Variants in ZNF407 observed in about 807,000 individuals in gnomAD.
ZNF407 encodes zinc finger protein 407.
A neutral mutation model predicts 131.2 loss-of-function variants in ZNF407; 17 were observed. The ratio of observed to expected loss-of-function variants is 0.13; its 90% confidence interval spans 0.09 to 0.19. ZNF407 has a LOEUF of 0.19. Ranked by LOEUF, ZNF407 falls within the 10% of genes least tolerant of loss-of-function variation. The probability of loss-of-function intolerance (pLI) is 1.00; values close to 1 mark genes in which losing one functional copy is unlikely to be tolerated. For missense variants in ZNF407, 2,681 were observed against 2,830.6 expected, an observed-to-expected ratio of 0.95 and a Z score of 1.20; for synonymous variants, 1,156 against 1,062.0, an observed-to-expected ratio of 1.09 and a Z score of -1.72.
chr18:74,649,220 G>A (rs930772275), intron 3 of ZNF407, among the ~76,000 whole-genome samples: 1 of 152,198 alleles, frequency 6.6e-6, no homozygotes, highest in African/African-American at 2.4e-5. Flanking sequence ...CTGGGCTCAA[G>A]GGATGGTTGT....
At chr18:74,819,679 A>G (rs560723372) in intron 4 of ZNF407, among the ~76,000 whole-genome samples, 5 of 152,320 alleles carry the variant, frequency 3.3e-5, no homozygotes, top group Admixed American at 1.3e-4. Flanking sequence ...CCTAGCCAAG[A>G]GTCCAGCTGT....
intron 3 of ZNF407, among the ~76,000 whole-genome samples, chr18:74,757,256 G>A (rs1968985517): frequency 6.6e-6 from 1 of 151,856 alleles, no homozygotes; most frequent in Non-Finnish European, 1.5e-5. Context: ...TAAGAATGGA[G>A]ACTTTCTTTT....
chr18:74,685,076 G>C (rs1967066453), intron 3 of ZNF407, among the ~76,000 whole-genome samples: 1 of 151,986 alleles, frequency 6.6e-6, no homozygotes, highest in African/African-American at 2.4e-5. Flanking sequence ...ATAATTTTTT[G>C]TTAGCTTTTT....
intron 8 of ZNF407, among the ~76,000 whole-genome samples, chr18:74,970,242 C>G (rs1249220454): frequency 6.6e-6 from 1 of 151,792 alleles, no homozygotes. Flanking sequence ...GATGGGGACA[C>G]AGCCAAACCA....
chr18:74,803,717 T>C (rs1233678811), intron 4 of ZNF407, among the ~76,000 whole-genome samples: 1 of 152,164 alleles, frequency 6.6e-6, no homozygotes, highest in Non-Finnish European at 1.5e-5. Flanking sequence ...AAAGAGAAAG[T>C]TTAGTATTTC....
At chr18:75,058,592 T>C (rs1247795098) in intron 8 of ZNF407, among the ~76,000 whole-genome samples, 1 of 152,220 alleles carries the variant, frequency 6.6e-6, no homozygotes, top group Non-Finnish European at 1.5e-5. Context: ...ACATTGAGCA[T>C]CCATGCCCCA....
intron 7 of ZNF407, among the ~76,000 whole-genome samples, chr18:74,906,119 C>G (rs552469616): frequency 6.6e-6 from 1 of 152,292 alleles, no homozygotes; most frequent in Admixed American, 6.5e-5. Flanking sequence ...TCCCGTTTTC[C>G]TGCAGTACCC....
At chr18:74,967,147 C>T (rs1367543927) in intron 8 of ZNF407, among the ~76,000 whole-genome samples, 3 of 152,000 alleles carry the variant, frequency 2.0e-5, no homozygotes, top group South Asian at 2.1e-4. Flanking sequence ...CCAGCTACTC[C>T]GGAGGCTGAA....
rs373279175 is a variant in ZNF407, at chr18:74,635,165, G to A, written c.4146G>A (p.Thr1382=). 360 of 1,613,864 alleles carry A rather than the reference G, an allele frequency of 2.2e-4. No individual in the cohort carries two copies. The highest frequency in any genetic ancestry group is 4.3e-4 in the African/African-American group (32 of 74,924). Residue 1382 remains threonine (T), a synonymous_variant, in exon 2 of 9, where the codon ACG becomes ACA. Transcript: ENST00000299687. The surrounding 1 kb of genome is among the most constrained non-coding windows in gnomAD (Gnocchi z 4.7). ...IDQSEEGLIA[T]GVRISELPLK... is the part of the protein sequence containing the mutation. ...AGTCTGAAGAGGGCTTGATAGCAAC[G>A]GGAGTGAGAATTAGTGAGCTGCCCT... is the stretch of plus-strand genomic sequence containing the variant.
At chr18:75,054,482 G>A (rs1973539105) in intron 8 of ZNF407, among the ~76,000 whole-genome samples, 1 of 152,118 alleles carries the variant, frequency 6.6e-6, no homozygotes, top group South Asian at 2.1e-4. Flanking sequence ...ATAGGGTTTT[G>A]CCAGAAAAAG....
intron 4 of ZNF407, among the ~76,000 whole-genome samples, chr18:74,797,904 G>A (rs1969950340): frequency 6.6e-6 from 1 of 151,580 alleles, no homozygotes; most frequent in African/African-American, 2.4e-5. Context: ...AAACAATTAA[G>A]TGAAATAATG....
At chr18:74,804,580 A>G in intron 4 of ZNF407, 9 of 985,484 alleles carry the variant, frequency 9.1e-6, no homozygotes, top group Non-Finnish European at 1.1e-5. Context: ...TCACAATGGT[A>G]CTATACATCT....
At position 75,063,659 on chromosome 18, in the gene ZNF407, G is replaced by T. The variant is rs1973669134; in HGVS notation, c.5938G>T (p.Val1980Phe). The T allele has an allele frequency of 1.2e-6, 2 of 1,606,618 alleles. No individual in the cohort carries two copies. Among genetic ancestry groups the T allele is most frequent in the Non-Finnish European group, 8.5e-7 (1 of 1,177,432 alleles). The change falls in exon 9 of 9, where the codon GTC (valine) becomes TTC (phenylalanine). Residue 1980 changes from valine to phenylalanine, a missense_variant. By Grantham distance (50) the Val-to-Phe change is conservative (BLOSUM62 -1). Transcript: ENST00000299687. This position sits in a 1 kb window ranked among gnomAD's most constrained non-coding sequence, Gnocchi z 6.6. Reference protein sequence around the residue: ...QEILNLSEAGVAPPEASSALD... With the variant: ...QEILNLSEAGFAPPEASSALD... ...GATTTTAAACCTCTCGGAGGCTGGAGTCGCTCCCCCCGAGGCATCCTCAGC... is the reference window on the plus strand; with the variant it reads ...GATTTTAAACCTCTCGGAGGCTGGATTCGCTCCCCCCGAGGCATCCTCAGC...
intron 8 of ZNF407, among the ~76,000 whole-genome samples, chr18:74,939,850 G>A (rs768156347): frequency 5.3e-5 from 8 of 152,166 alleles, no homozygotes; most frequent in Non-Finnish European, 8.8e-5. Flanking sequence ...GCATGGTGTG[G>A]CAGAAAAAAC....
At chr18:74,947,933 T>C (rs564280100) in intron 8 of ZNF407, among the ~76,000 whole-genome samples, 2 of 152,324 alleles carry the variant, frequency 1.3e-5, no homozygotes, top group East Asian at 3.9e-4. Flanking sequence ...CACAGAAAAG[T>C]GCTGTAAATT....
intron 4 of ZNF407, among the ~76,000 whole-genome samples, chr18:74,876,567 T>C (rs937473692): frequency 1.3e-5 from 2 of 152,116 alleles, no homozygotes; most frequent in African/African-American, 4.8e-5. Flanking sequence ...TTTTCAGTAT[T>C]TTTTTTTCAT....
At chr18:74,806,574 A>G (rs571891736) in intron 4 of ZNF407, among the ~76,000 whole-genome samples, 1 of 152,364 alleles carries the variant, frequency 6.6e-6, no homozygotes, top group South Asian at 2.1e-4. Context: ...AGGATCAAAC[A>G]AGATGATAAA....
rs1599320900 is a variant in ZNF407 at position 75,064,931 on chromosome 18, A to T, written c.*463A>T. 1 of 154,422 alleles carries T rather than the reference A, an allele frequency of 6.5e-6. No homozygotes were observed. The highest frequency in any genetic ancestry group is 2.4e-5 in the African/African-American group (1 of 41,446). 9.6% of individuals were successfully genotyped at this position (154,422 alleles called of 1,614,324 possible). On this transcript the variant is annotated 3_prime_UTR_variant, in exon 9 of 9. Coordinates refer to ENST00000299687, the MANE Select transcript of ZNF407 (RefSeq NM_017757.3). ...GCAGTCAGCATGTAGCTGCCTTTCC[A>T]TTTCATTCTCTACTGGGCTAAAAAT...
intron 8 of ZNF407, among the ~76,000 whole-genome samples, chr18:74,958,002 T>C (rs917173174): frequency 6.6e-6 from 1 of 152,220 alleles, no homozygotes; most frequent in African/African-American, 2.4e-5. Flanking sequence ...TGCCTGTTTT[T>C]TGAAGCCTTC....
Sources: allele counts gnomAD v4.1 joint callset (sites outside exome capture counted in the v4.1 genomes callset), GRCh38; gene constraint gnomAD v4.1.1; non-coding constraint Gnocchi (gnomAD v3.1); transcripts MANE v1.5; gene names NCBI Gene and HGNC (gene_info 2026-07-23, HGNC 2026-07-21).